AP1AR: variants seen among roughly 807,000 people sequenced by gnomAD.
AP1AR encodes AP-1 complex-associated regulatory protein.
AP1AR carries 29 observed loss-of-function variants against 46.3 expected under a neutral mutation model. The ratio of observed to expected loss-of-function variants is 0.63; its 90% CI spans 0.47 to 0.85. The LOEUF (loss-of-function observed/expected upper bound fraction) is 0.85, where lower values mean the gene tolerates loss of function less well. AP1AR is among the 40% of genes least tolerant of loss of function. The pLI is 0.00. For missense variants in AP1AR, 357 were observed against 356.3 expected (o/e 1.00, Z -0.02); for synonymous variants, 122 against 122.9 (o/e 0.99, Z 0.05).
chr4:112,232,499 C>T (rs988517559), intron 1 of AP1AR, among the ~76,000 whole-genome samples: 2 of 152,228 alleles, frequency 1.3e-5, no homozygotes, highest in African/African-American at 4.8e-5. Context: ...ACCGGCTCCA[C>T]GGCAACCTGG....
chr4:112,262,730 C>A (rs1319111865), intron 5 of AP1AR, among the ~76,000 whole-genome samples: 1 of 152,124 alleles, frequency 6.6e-6, no homozygotes, highest in Non-Finnish European at 1.5e-5. Context: ...AGAAACACTT[C>A]TATATTTATA....
intron 1 of AP1AR, among the ~76,000 whole-genome samples, chr4:112,251,078 A>G (rs1003068248): frequency 2.0e-5 from 3 of 152,184 alleles, no homozygotes; most frequent in African/African-American, 7.2e-5. Flanking sequence ...GCACTCTTTC[A>G]GTTTATTTCA....
chr4:112,262,766 C>T (rs1292573069), intron 5 of AP1AR, among the ~76,000 whole-genome samples: 2 of 152,192 alleles, frequency 1.3e-5, no homozygotes, highest in Non-Finnish European at 2.9e-5. Context: ...TGCTTCATAA[C>T]TCAGTTTCTA....
chr4:112,238,077 T>G (rs1441279192), intron 1 of AP1AR, among the ~76,000 whole-genome samples: 1 of 152,282 alleles, frequency 6.6e-6, no homozygotes, highest in African/African-American at 2.4e-5. Flanking sequence ...AATGCAACTT[T>G]ATTTACAAAA....
chr4:112,262,542 G>A (rs1232948701), intron 5 of AP1AR, among the ~76,000 whole-genome samples: 2 of 152,168 alleles, frequency 1.3e-5, no homozygotes, highest in Non-Finnish European at 2.9e-5. Flanking sequence ...AAGGAGACAT[G>A]TGCATTGATG....
intron 1 of AP1AR, among the ~76,000 whole-genome samples, chr4:112,237,643 C>T (rs886748629): frequency 6.6e-6 from 1 of 151,212 alleles, no homozygotes; most frequent in Non-Finnish European, 1.5e-5. Flanking sequence ...TTTGTAGAGA[C>T]ACGCAGGGTT....
intron 1 of AP1AR, among the ~76,000 whole-genome samples, chr4:112,247,369 T>C (rs759540606): frequency 1.3e-5 from 2 of 152,220 alleles, no homozygotes; most frequent in Non-Finnish European, 2.9e-5. Context: ...GGAATACTTT[T>C]AAGGAGTTTT....
rs190755341 is a variant in AP1AR, at chr4:112,261,083, T to C, written c.282+221T>C. Reference sequence around the variant, plus strand: ...CAAAAAATGGAGATAGTACATTCTTTTAAAAATAATTTCTTAATTCACAAA... The same window carrying C: ...CAAAAAATGGAGATAGTACATTCTTCTAAAAATAATTTCTTAATTCACAAA... On this transcript the variant is annotated intron_variant, in intron 5 of 9. Transcript: ENST00000274000. Among the ~76,000 whole-genome samples, 3 of 152,348 alleles carry C rather than the reference T, an allele frequency of 2.0e-5. No homozygotes were observed. In the East Asian group the frequency reaches 5.8e-4, roughly 29 times the overall value.
In AP1AR at chr4:112,253,686, A is replaced by G. The variant is rs145070857; in HGVS notation, c.132+430A>G. Among the ~76,000 whole-genome samples the G allele has an allele frequency of 2.4e-3, 358 of 152,290 alleles. 2 individuals are homozygous for G. The highest frequency in any genetic ancestry group is 8.3e-3 in the African/African-American group (344 of 41,550). On this transcript the variant is annotated intron_variant, in intron 2 of 9. Transcript: ENST00000274000. ...TAATAGAAACTACCATTTATTCCTT[A>G]CCTACTATAAACTAGCCACTCCACC...
intron 1 of AP1AR, 125 bp downstream of exon 1, chr4:112,232,299 T>A: frequency 1.3e-6 from 1 of 798,452 alleles, no homozygotes. Flanking sequence ...CACTCACTGC[T>A]TAGCAGACGT....
intron 1 of AP1AR, among the ~76,000 whole-genome samples, chr4:112,234,661 T>TG (rs1560599431): frequency 7.8e-6 from 1 of 128,372 alleles, no homozygotes; most frequent in Admixed American, 7.6e-5. Context: ...TATTTTAGTT[T>TG]TTTTTTTTTT....
chr4:112,254,258 A>G (rs941074702), intron 2 of AP1AR, among the ~76,000 whole-genome samples: 1 of 152,228 alleles, frequency 6.6e-6, no homozygotes, highest in Non-Finnish European at 1.5e-5. Flanking sequence ...ATTTGGGGAT[A>G]GTAACTACCA....
intron 4 of AP1AR, among the ~76,000 whole-genome samples, chr4:112,258,075 C>T (rs1475108921): frequency 2.6e-5 from 4 of 151,982 alleles, no homozygotes; most frequent in Non-Finnish European, 4.4e-5. Context: ...CTGATAAGTA[C>T]GTTTCTTTTA....
At chr4:112,257,115 C>T (rs1726232112) in intron 3 of AP1AR, among the ~76,000 whole-genome samples, 1 of 152,134 alleles carries the variant, frequency 6.6e-6, no homozygotes, top group African/African-American at 2.4e-5. Flanking sequence ...CACTGGAATA[C>T]TTAGAGGTCA....
intron 3 of AP1AR, among the ~76,000 whole-genome samples, chr4:112,255,292 A>G (rs1726140277): frequency 1.3e-5 from 2 of 152,066 alleles, no homozygotes; most frequent in South Asian, 4.1e-4. Flanking sequence ...AAGATACACT[A>G]TATACACACA....
At chr4:112,263,193 T>A in intron 6 of AP1AR, 107 bp downstream of exon 6, 1 of 790,304 alleles carries the variant, frequency 1.3e-6, no homozygotes, top group Non-Finnish European at 2.0e-6. Flanking sequence ...ACTTCTTGTT[T>A]AACAACGAAT....
At position 112,254,765 on chromosome 4, in the gene AP1AR, A is replaced by G; in HGVS notation, c.151A>G (p.Ser51Gly). ...LTIEFENLVE[S>G]DEGESPGSSH... Reference sequence around the variant, plus strand: ...CTTTCAGTTTGAGAATCTAGTAGAAAGTGATGAAGTAAGTATTTCCATAAT... The same window carrying G: ...CTTTCAGTTTGAGAATCTAGTAGAAGGTGATGAAGTAAGTATTTCCATAAT... Residue 51 changes from serine (S) to glycine (G), a missense_variant, in exon 3 of 10, where the codon AGT (serine) becomes GGT (glycine). Transcript: ENST00000274000. The G allele has an allele frequency of 1.3e-6, 2 of 1,501,288 alleles. No individual in the cohort carries two copies. The highest frequency in any genetic ancestry group is 1.8e-6 in the Non-Finnish European group (2 of 1,113,716). 93.0% of individuals were successfully genotyped at this position (1,501,288 alleles called of 1,614,324 possible).
At chr4:112,267,397 T>C (rs1476535325) in intron 9 of AP1AR, among the ~76,000 whole-genome samples, 1 of 151,968 alleles carries the variant, frequency 6.6e-6, no homozygotes, top group African/African-American at 2.4e-5. Flanking sequence ...CATTATTTTT[T>C]CCTTTCAAGA....
At chr4:112,256,540 T>C (rs2063561345) in intron 3 of AP1AR, among the ~76,000 whole-genome samples, 1 of 152,242 alleles carries the variant, frequency 6.6e-6, no homozygotes, top group Non-Finnish European at 1.5e-5. Flanking sequence ...TTGTTTTTGC[T>C]AACCCCTCTT....
Sources: gnomAD v4.1 joint callset for allele counts (sites outside exome capture counted in the v4.1 genomes callset) on GRCh38, gnomAD v4.1.1 for gene constraint, MANE v1.5 for transcripts, NCBI Gene and HGNC (gene_info 2026-07-23, HGNC 2026-07-21) for gene names.